PMS1: variants seen among roughly 807,000 people sequenced by gnomAD.
The protein encoded by PMS1 is PMS1 protein homolog 1.
A neutral mutation model predicts 93.1 loss-of-function variants in PMS1; 79 were observed. That is an observed-to-expected ratio of 0.85 (90% CI 0.71 to 1.02). PMS1 has a LOEUF of 1.02. Ranked by LOEUF, PMS1 falls within the 50% of genes least tolerant of loss-of-function variation. PMS1 has a pLI of 0.00. For missense variants in PMS1, 1,064 were observed against 1,085.3 expected, an observed-to-expected ratio of 0.98 and a Z score of 0.28; for synonymous variants, 335 against 363.4, an observed-to-expected ratio of 0.92 and a Z score of 0.89.
chr2:189,817,987 TA>T, intron 4 of PMS1, 29 bp from the exon 5 acceptor site: 1 of 1,557,266 alleles, frequency 6.4e-7, no homozygotes, highest in Non-Finnish European at 8.9e-7. Context: ...CTTCCAAATC[TA>T]AATGTGCTTT....
rs563048852 is a variant in PMS1 at position 189,833,205 on chromosome 2, C to T, written c.583-10759C>T. Among the ~76,000 whole-genome samples the T allele has an allele frequency of 5.9e-5, 9 of 152,300 alleles. No homozygotes were observed. The South Asian group carries it at 1.9e-3, about 32-fold the overall frequency. On this transcript the variant is annotated intron_variant, in intron 5 of 12. Transcript: ENST00000441310. Reference sequence around the variant, plus strand: ...TAGTGTTGACCTTTTCTCGTAGTTGCAGTGACCTATATTTAAGTTAAAGCT... The same window carrying T: ...TAGTGTTGACCTTTTCTCGTAGTTGTAGTGACCTATATTTAAGTTAAAGCT...
intron 2 of PMS1, among the ~76,000 whole-genome samples, chr2:189,794,863 G>C (rs2049200406): frequency 6.6e-6 from 1 of 152,172 alleles, no homozygotes; most frequent in Admixed American, 6.5e-5. Flanking sequence ...TTGGGAAGCT[G>C]AGGCAGGAGG....
intron 10 of PMS1, 79 bp from the exon 11 acceptor site, chr2:189,867,720 G>A: frequency 1.0e-6 from 1 of 966,572 alleles, no homozygotes; most frequent in East Asian, 2.4e-5. Context: ...TTGTCAAAGG[G>A]CCCTAGGATT....
intron 1 of PMS1, among the ~76,000 whole-genome samples, chr2:189,786,162 G>A (rs1298571113): frequency 2.0e-5 from 3 of 152,016 alleles, no homozygotes; most frequent in Non-Finnish European, 4.4e-5. Flanking sequence ...CAGTATGATC[G>A]CCCTAGAGCA....
At chr2:189,855,864 T>A in intron 9 of PMS1, 2 of 1,114,430 alleles carry the variant, frequency 1.8e-6, no homozygotes, top group Non-Finnish European at 2.3e-6. Context: ...TATGTTCTGG[T>A]GATCTAATCC....
chr2:189,870,524 T>C (rs1260531264), intron 11 of PMS1, among the ~76,000 whole-genome samples: 4 of 152,246 alleles, frequency 2.6e-5, no homozygotes, highest in African/African-American at 4.8e-5. Context: ...ATAGTTCCAA[T>C]GTCTCTAACT....
intron 9 of PMS1, chr2:189,855,917 G>T: frequency 1.2e-6 from 1 of 860,608 alleles, no homozygotes; most frequent in Middle Eastern, 2.9e-4. Context: ...TCATATACAG[G>T]TATCTGAGTA....
At chr2:189,866,420 CCTT>C (rs955788909) in intron 10 of PMS1, among the ~76,000 whole-genome samples, 1 of 152,092 alleles carries the variant, frequency 6.6e-6, no homozygotes, top group African/African-American at 2.4e-5. Flanking sequence ...AGTTTTTCCT[CCTT>C]CTTTTGGAAT....
At chr2:189,851,652 C>T (rs114803220) in intron 6 of PMS1, among the ~76,000 whole-genome samples, 288 of 152,232 alleles carry the variant, frequency 1.9e-3, no homozygotes, top group African/African-American at 6.3e-3. Context: ...AGGAGCCCCA[C>T]GGTTCCTGCT....
chr2:189,828,072 T>TACC (rs202028058), intron 5 of PMS1, among the ~76,000 whole-genome samples: 5,350 of 151,422 alleles, frequency 0.035, 113 homozygotes, highest in South Asian at 0.062. Context: ...TGCAGGCACC[T>TACC]ACCACCACGC....
At chr2:189,810,815 C>CT (rs1434571830) in intron 4 of PMS1, among the ~76,000 whole-genome samples, 1 of 152,088 alleles carries the variant, frequency 6.6e-6, no homozygotes, top group Non-Finnish European at 1.5e-5. Context: ...AAACAAAGCA[C>CT]TTTCTCTGGG....
At chr2:189,849,877 T>TTA (rs2054560755) in intron 6 of PMS1, among the ~76,000 whole-genome samples, 1 of 151,262 alleles carries the variant, frequency 6.6e-6, no homozygotes, top group African/African-American at 2.4e-5. Context: ...CTTTTTTTTT[T>TTA]TTTTTTTTTG....
chr2:189,804,040 CA>C (rs1409262300), intron 3 of PMS1, among the ~76,000 whole-genome samples: 2 of 152,158 alleles, frequency 1.3e-5, no homozygotes, highest in Non-Finnish European at 2.9e-5. Flanking sequence ...AACAAAATCC[CA>C]TGTAACCTTA....
intron 10 of PMS1, among the ~76,000 whole-genome samples, chr2:189,866,272 T>C (rs2056649751): frequency 1.3e-5 from 2 of 152,330 alleles, no homozygotes; most frequent in African/African-American, 4.8e-5. Flanking sequence ...ATGATAGGTT[T>C]TTAAAAATAT....
intron 5 of PMS1, among the ~76,000 whole-genome samples, chr2:189,827,345 C>G (rs767034535): frequency 6.6e-6 from 1 of 152,076 alleles, no homozygotes; most frequent in African/African-American, 2.4e-5. Context: ...GAGATTAGGC[C>G]AATGAAAGTC....
intron 5 of PMS1, among the ~76,000 whole-genome samples, chr2:189,820,834 T>C (rs76224829): frequency 2.5e-3 from 378 of 152,270 alleles, no homozygotes; most frequent in African/African-American, 8.6e-3. Context: ...GATTCTTTAT[T>C]AAAGCTATGG....
In PMS1 at chr2:189,821,902, C is replaced by T. The variant is rs2051929694; in HGVS notation, c.582+3722C>T. Among the ~76,000 whole-genome samples the T allele has an allele frequency of 2.0e-5, 3 of 152,164 alleles. No homozygotes were observed. The South Asian group carries it at 6.2e-4, about 32-fold the overall frequency. On this transcript the variant is annotated intron_variant, in intron 5 of 12. Coordinates refer to ENST00000441310, the MANE Select transcript of PMS1 (RefSeq NM_000534.5). ...TAGAAATATTTGAAATGACAGAGTTCTTATTTCAAGTCAAATATGTATCTT... is the reference window on the plus strand; with the variant it reads ...TAGAAATATTTGAAATGACAGAGTTTTTATTTCAAGTCAAATATGTATCTT...
intron 10 of PMS1, among the ~76,000 whole-genome samples, chr2:189,866,760 A>G (rs2056692904): frequency 6.6e-6 from 1 of 152,230 alleles, no homozygotes; most frequent in Non-Finnish European, 1.5e-5. Flanking sequence ...GGAAACTGAA[A>G]TGTAATGGTT....
intron 4 of PMS1, among the ~76,000 whole-genome samples, chr2:189,813,281 C>T (rs935787037): frequency 6.6e-6 from 1 of 152,098 alleles, no homozygotes; most frequent in Admixed American, 6.5e-5. Flanking sequence ...AGTATCAAAC[C>T]CAAGGAAGAA....
Sources: gnomAD v4.1 joint callset for allele counts (sites outside exome capture counted in the v4.1 genomes callset) on GRCh38, gnomAD v4.1.1 for gene constraint, MANE v1.5 for transcripts, NCBI Gene and HGNC (gene_info 2026-07-23, HGNC 2026-07-21) for gene names.